GPR155: variants seen among roughly 807,000 people sequenced by gnomAD.
The protein encoded by GPR155 is lysosomal cholesterol signaling protein.
GPR155 carries 65 observed loss-of-function variants against 93.1 expected under a neutral mutation model. The ratio of observed to expected loss-of-function variants is 0.70; its 90% confidence interval spans 0.57 to 0.86. The LOEUF is 0.86. Among genes scored for constraint, GPR155 ranks in the 40% least tolerant of loss-of-function variants. The pLI is 0.00. For synonymous variants in GPR155, 319 were observed against 360.1 expected, an observed-to-expected ratio of 0.89 and a Z score of 1.29; for missense variants, 838 against 1,034.8, an observed-to-expected ratio of 0.81 and a Z score of 2.61.
chr2:174,451,271 G>A (rs963679429), intron 11 of GPR155, among the ~76,000 whole-genome samples: 44 of 151,394 alleles, frequency 2.9e-4, no homozygotes, highest in South Asian at 1.0e-3. Flanking sequence ...CCAAGACTGC[G>A]CCACTGCACT....
chr2:174,449,518 C>CA (rs1219719888), intron 11 of GPR155, among the ~76,000 whole-genome samples: 2 of 152,162 alleles, frequency 1.3e-5, no homozygotes, highest in Non-Finnish European at 2.9e-5. Context: ...AAATGTGCTA[C>CA]ATATATACCA....
At position 174,481,967 on chromosome 2, in the gene GPR155, C is replaced by T. The variant is rs1408605179; in HGVS notation, c.-11G>A. 2.6e-6 allele frequency: 4 copies of T among 1,552,998 alleles called. No homozygotes were observed. The South Asian group carries it at 3.4e-5, about 13-fold the overall frequency. On this transcript the variant is annotated 5_prime_UTR_variant, in exon 2 of 16. Transcript: ENST00000392552. ...TAAATTAGAATTCATTTTCTCTCACCCTCCAACTCCAACCAGATCTCTGGA... is the reference window on the plus strand; with the variant it reads ...TAAATTAGAATTCATTTTCTCTCACTCTCCAACTCCAACCAGATCTCTGGA...
rs1686658024 is a variant in GPR155 at position 174,432,073 on chromosome 2, A to G, written c.*4043T>C. 6.6e-6 allele frequency: 1 copy of G among 152,368 alleles called. No individual in the cohort carries two copies. The highest frequency in any genetic ancestry group is 2.1e-4 in the South Asian group (1 of 4,834). The allele number at this position is 152,368 out of a possible 1,614,324, so 9.4% of individuals were successfully genotyped here. A position where few individuals can be genotyped will look rare whatever the true frequency, so the allele number is the denominator to read the frequency against. On this transcript the variant is annotated 3_prime_UTR_variant, in exon 16 of 16. Coordinates refer to ENST00000392552, the MANE Select transcript of GPR155 (RefSeq NM_152529.7). ...TCAATGTCATATTGACTCATTCATA[A>G]AAGTGTTTATAGAATGCGTAATTGG...
At chr2:174,446,790 A>G (rs1463277257) in intron 11 of GPR155, 43 bp from the exon 12 acceptor site, 1 of 1,575,626 alleles carries the variant, frequency 6.3e-7, no homozygotes, top group South Asian at 1.1e-5. Context: ...AGAGCTTTTT[A>G]TCTAAATGCA....
In GPR155 at chr2:174,448,393, A is replaced by G. The variant is rs181637026; in HGVS notation, c.1877-1646T>C. On this transcript the variant is annotated intron_variant, in intron 11 of 15. Coordinates refer to ENST00000392552, the MANE Select transcript of GPR155 (RefSeq NM_152529.7). ...GTGTCTCAAAAAAAAGTAATGCCTC[A>G]AACTATAAGAATCCTAGAAGAAAAC... 3.6e-3 allele frequency among the ~76,000 whole-genome samples: 541 copies of G among 152,336 alleles called. 4 individuals are homozygous for G. Among genetic ancestry groups the G allele is most frequent in the African/African-American group, 0.013 (526 of 41,570 alleles).
chr2:174,446,732 C>T lies in GPR155; in HGVS notation c.1892G>A (p.Ser631Asn). 1 of 1,613,898 alleles carries T rather than the reference C, an allele frequency of 6.2e-7. No homozygotes were observed. Among genetic ancestry groups the T allele is most frequent in the Non-Finnish European group, 8.5e-7 (1 of 1,179,864 alleles). Residue 631 changes from serine to asparagine, a missense_variant, in exon 12 of 16, where the codon AGT (serine) becomes AAT (asparagine). By Grantham distance (46) the Ser-to-Asn change is conservative. This residue lies in a region of GPR155 where 663 missense variants were observed against 790.1 expected (regional missense o/e 0.84). Transcript: ENST00000392552. The stretch of plus-strand genomic sequence containing the variant: ...TATGCAGCTCTGGGAGTTACAGCGA[C>T]TCACACAATGATTGTCTATAAAAGA... ...PSFEKNNHCV[S>N]RCNSQSCILA...
rs751482835 is a variant in GPR155 at position 174,439,891 on chromosome 2, TG to T, written c.2312+6del. Reference sequence around the variant, plus strand: ...TTGTCTAGAACCTGTACTGGCACTTTGCTTACCTTCTTTCTTTGACAATGTT... The same window carrying T: ...TTGTCTAGAACCTGTACTGGCACTTTCTTACCTTCTTTCTTTGACAATGTT... On this transcript the variant is annotated splice_donor_region_variant and intron_variant, in intron 15 of 15. Coordinates refer to ENST00000392552, the MANE Select transcript of GPR155 (RefSeq NM_152529.7). The T allele has an allele frequency of 5.6e-5, 91 of 1,611,396 alleles. 1 individual carries two copies. The Middle Eastern group carries it at 3.0e-3, about 52-fold the overall frequency.
At chr2:174,437,896 CCTT>C (rs1686837502) in intron 15 of GPR155, among the ~76,000 whole-genome samples, 1 of 151,720 alleles carries the variant, frequency 6.6e-6, no homozygotes, top group Non-Finnish European at 1.5e-5. Flanking sequence ...TAGCCTGACA[CCTT>C]CTATTCCAGA....
chr2:174,453,699 G>A, intron 11 of GPR155, 38 bp downstream of exon 11: 1 of 767,820 alleles, frequency 1.3e-6, no homozygotes, highest in Non-Finnish European at 2.3e-6. Flanking sequence ...GGAATCTTCT[G>A]TCCCTTAATC....
chr2:174,443,959 G>A (rs1011508993), intron 13 of GPR155, among the ~76,000 whole-genome samples: 10 of 152,176 alleles, frequency 6.6e-5, no homozygotes, highest in African/African-American at 1.9e-4. Context: ...ATGAGATAAT[G>A]AATGTAAAAT....
intron 5 of GPR155, 122 bp downstream of exon 5, chr2:174,468,790 A>G: frequency 1.2e-6 from 1 of 844,868 alleles, no homozygotes; most frequent in Non-Finnish European, 1.9e-6. Context: ...ATTATATTTT[A>G]TGGGCAGGCT....
intron 10 of GPR155, among the ~76,000 whole-genome samples, chr2:174,454,721 A>C (rs1468733409): frequency 2.8e-5 from 3 of 107,790 alleles, no homozygotes; most frequent in Non-Finnish European, 6.0e-5. Context: ...AAGGAAGGGA[A>C]GAAAGGGAAG....
At chr2:174,448,230 G>C (rs1335539851) in intron 11 of GPR155, among the ~76,000 whole-genome samples, 1 of 152,064 alleles carries the variant, frequency 6.6e-6, no homozygotes, top group Non-Finnish European at 1.5e-5. Context: ...ACAAAAATTA[G>C]CCAGGCATGG....
Position 174,473,239 on chromosome 2 carries a change from T to A in GPR155, c.586A>T (p.Thr196Ser). ...ATTTTATTTTGAGAAGCATTTTGAG[T>A]GTCTTTCCACTTTTGGATTTCACAG... Reference protein sequence around the residue: ...IFCEIQKWKDTQNASQNKIKI... With the variant: ...IFCEIQKWKDSQNASQNKIKI... Residue 196 changes from threonine to serine, a missense_variant, in exon 3 of 16, where the codon ACT becomes TCT. This residue lies in a region of GPR155 where 663 missense variants were observed against 790.1 expected (regional missense o/e 0.84). Coordinates refer to ENST00000392552, the MANE Select transcript of GPR155 (RefSeq NM_152529.7). 1 of 1,613,778 alleles carries A rather than the reference T, an allele frequency of 6.2e-7. No homozygotes were observed. Among genetic ancestry groups the A allele is most frequent in the Non-Finnish European group, 8.5e-7 (1 of 1,179,756 alleles).
At chr2:174,474,831 G>A (rs988952154) in intron 2 of GPR155, among the ~76,000 whole-genome samples, 1 of 151,906 alleles carries the variant, frequency 6.6e-6, no homozygotes, top group Non-Finnish European at 1.5e-5. Flanking sequence ...AGCAACTTAG[G>A]GCCTTTCAGT....
intron 11 of GPR155, among the ~76,000 whole-genome samples, chr2:174,451,991 G>A (rs1230457590): frequency 6.6e-6 from 1 of 152,128 alleles, no homozygotes; most frequent in Non-Finnish European, 1.5e-5. Context: ...GATAAGCAAA[G>A]CCTAAGGAGA....
intron 15 of GPR155, among the ~76,000 whole-genome samples, chr2:174,438,743 G>A (rs1388940246): frequency 6.6e-6 from 1 of 152,138 alleles, no homozygotes; most frequent in African/African-American, 2.4e-5. Context: ...CTGACCTCAG[G>A]TGACCCTCCC....
At chr2:174,466,415 C>A in intron 6 of GPR155, 129 bp downstream of exon 6, 1 of 619,328 alleles carries the variant, frequency 1.6e-6, no homozygotes, top group Non-Finnish European at 2.9e-6. Flanking sequence ...TGTAATCAAA[C>A]TGTAATTGAC....
chr2:174,474,588 T>TA (rs987698623), intron 2 of GPR155, among the ~76,000 whole-genome samples: 1 of 152,122 alleles, frequency 6.6e-6, no homozygotes, highest in Non-Finnish European at 1.5e-5. Context: ...CAATGCTAGC[T>TA]AAAAAAATCT....
Sources: allele counts gnomAD v4.1 joint callset (sites outside exome capture counted in the v4.1 genomes callset), GRCh38; gene constraint gnomAD v4.1.1; regional missense constraint gnomAD v4.1.1; transcripts MANE v1.5; gene names NCBI Gene and HGNC (gene_info 2026-07-23, HGNC 2026-07-21).